Variants in PARD3B observed in about 807,000 individuals in gnomAD.
PARD3B encodes par-3 family cell polarity regulator beta, also known as partitioning defective 3 homolog B.
A neutral mutation model predicts 130.2 loss-of-function variants in PARD3B; 103 were observed. That is an observed-to-expected ratio of 0.79 (90% CI 0.67 to 0.93). The LOEUF (loss-of-function observed/expected upper bound fraction) is 0.93. Ranked by LOEUF, PARD3B falls within the 40% of genes least tolerant of loss-of-function variation. The probability of loss-of-function intolerance (pLI) is 0.00; values close to 1 mark genes in which losing one functional copy is unlikely to be tolerated. For missense variants in PARD3B, 1,609 were observed against 1,499.2 expected, an observed-to-expected ratio of 1.07 and a Z score of -1.21; for synonymous variants, 583 against 553.2, an observed-to-expected ratio of 1.05 and a Z score of -0.76.
At chr2:205,360,270 T>C (rs2044341471) in intron 18 of PARD3B, among the ~76,000 whole-genome samples, 1 of 151,930 alleles carries the variant, frequency 6.6e-6, no homozygotes, top group South Asian at 2.1e-4. Context: ...CTTTTGTTTT[T>C]TTCCTTTTCA....
intron 19 of PARD3B, among the ~76,000 whole-genome samples, chr2:205,433,530 G>T (rs1436338525): frequency 7.3e-4 from 15 of 20,564 alleles, no homozygotes; most frequent in African/African-American, 1.5e-3. Flanking sequence ...AAGACTCTGT[G>T]TCAAAAAAAA....
At chr2:205,522,336 A>G (rs1181315136) in intron 21 of PARD3B, among the ~76,000 whole-genome samples, 3 of 150,678 alleles carry the variant, frequency 2.0e-5, no homozygotes, top group African/African-American at 7.5e-5. Flanking sequence ...CCTTTGATCA[A>G]GAATGATTTA....
intron 18 of PARD3B, among the ~76,000 whole-genome samples, chr2:205,332,365 C>T (rs1461560104): frequency 6.6e-6 from 1 of 151,898 alleles, no homozygotes; most frequent in African/African-American, 2.4e-5. Flanking sequence ...TAGAGATGGA[C>T]AGTTCCAACT....
At chr2:205,008,756 T>C (rs1046853762) in intron 3 of PARD3B, among the ~76,000 whole-genome samples, 7 of 152,212 alleles carry the variant, frequency 4.6e-5, no homozygotes, top group Non-Finnish European at 1.0e-4. Flanking sequence ...AATATTTGTT[T>C]ATGATAATAT....
At chr2:205,036,914 CTG>C (rs1356035265) in intron 3 of PARD3B, among the ~76,000 whole-genome samples, 2 of 149,548 alleles carry the variant, frequency 1.3e-5, no homozygotes, top group Non-Finnish European at 3.0e-5. Flanking sequence ...ATATAGCGGA[CTG>C]TATATATAAA....
At chr2:204,698,708 G>A (rs1574739138) in intron 2 of PARD3B, among the ~76,000 whole-genome samples, 1 of 151,936 alleles carries the variant, frequency 6.6e-6, no homozygotes, top group East Asian at 1.9e-4. Context: ...TCTGTCTTTA[G>A]CCTTTTTAGA....
intron 3 of PARD3B, among the ~76,000 whole-genome samples, chr2:205,032,101 G>T (rs1027049432): frequency 2.0e-5 from 3 of 152,152 alleles, no homozygotes; most frequent in African/African-American, 7.2e-5. Context: ...TAGAAACACA[G>T]TACAGTTTTG....
chr2:204,803,163 A>AATATATATAT (rs1553528189), intron 2 of PARD3B, among the ~76,000 whole-genome samples: 8 of 90,778 alleles, frequency 8.8e-5, no homozygotes, highest in South Asian at 4.6e-4. Context: ...AAAAAAAAAA[A>AATATATATAT]ATATATATAT....
chr2:205,360,726 C>T (rs954753247), intron 18 of PARD3B, among the ~76,000 whole-genome samples: 6 of 152,168 alleles, frequency 3.9e-5, no homozygotes, highest in Non-Finnish European at 8.8e-5. Flanking sequence ...AGGTCTGTGA[C>T]ACACTAGCTT....
At position 205,237,745 on chromosome 2, in the gene PARD3B, G is replaced by A. The variant is rs117085714; in HGVS notation, c.2141-8033G>A. On this transcript the variant is annotated intron_variant, in intron 15 of 22. Transcript: ENST00000406610. ...CCCTAGTGGTCAGTTATATATAACC[G>A]AGAGAAAGACAGCAAAGTGAGACTA... 1.6e-3 allele frequency among the ~76,000 whole-genome samples: 236 copies of A among 152,236 alleles called. 3 individuals carry two copies. The East Asian group carries it at 0.016, about 11-fold the overall frequency.
intron 2 of PARD3B, among the ~76,000 whole-genome samples, chr2:204,730,496 A>C (rs2039458721): frequency 6.6e-6 from 1 of 151,458 alleles, no homozygotes; most frequent in Non-Finnish European, 1.5e-5. Flanking sequence ...TTAGAACTAA[A>C]GGTGGAAGAG....
At chr2:204,988,573 C>T (rs1018071870) in intron 3 of PARD3B, among the ~76,000 whole-genome samples, 1 of 152,110 alleles carries the variant, frequency 6.6e-6, no homozygotes, top group Non-Finnish European at 1.5e-5. Context: ...ATATTACATA[C>T]CTGTATCAAA....
chr2:204,770,775 A>G (rs1480093650), intron 2 of PARD3B, among the ~76,000 whole-genome samples: 3 of 151,916 alleles, frequency 2.0e-5, no homozygotes, highest in African/African-American at 4.8e-5. Flanking sequence ...TCCTCTGCTC[A>G]CCCTTCTCCC....
At chr2:205,175,207 A>C (rs984026519) in intron 12 of PARD3B, among the ~76,000 whole-genome samples, 1 of 152,002 alleles carries the variant, frequency 6.6e-6, no homozygotes, top group Non-Finnish European at 1.5e-5. Flanking sequence ...GCAGAAAAAA[A>C]TTTTTTGTTC....
At chr2:204,701,593 T>C (rs2037894552) in intron 2 of PARD3B, among the ~76,000 whole-genome samples, 1 of 152,206 alleles carries the variant, frequency 6.6e-6, no homozygotes, top group Non-Finnish European at 1.5e-5. Flanking sequence ...TATTTTAAGT[T>C]GAGTGTTGTT....
intron 2 of PARD3B, among the ~76,000 whole-genome samples, chr2:204,790,920 C>A (rs1312823050): frequency 1.3e-5 from 2 of 151,910 alleles, no homozygotes; most frequent in African/African-American, 4.8e-5. Flanking sequence ...GCCGGGCCAA[C>A]ATGGTGAAAC....
intron 21 of PARD3B, among the ~76,000 whole-genome samples, chr2:205,549,039 A>T (rs1288207868): frequency 6.6e-6 from 1 of 152,198 alleles, no homozygotes; most frequent in Non-Finnish European, 1.5e-5. Context: ...ATCACATGTC[A>T]TCAAGGAAAT....
At chr2:204,905,116 C>T (rs1277323324) in intron 2 of PARD3B, among the ~76,000 whole-genome samples, 3 of 152,158 alleles carry the variant, frequency 2.0e-5, no homozygotes, top group African/African-American at 7.2e-5. Context: ...CTGGATTGTT[C>T]TAAGAATTAA....
At position 205,530,812 on chromosome 2, in the gene PARD3B, G is replaced by C. The variant is rs906475415; in HGVS notation, c.3181-22512G>C. On this transcript the variant is annotated intron_variant, in intron 21 of 22. Transcript: ENST00000406610. This position sits in a 1 kb window ranked among gnomAD's most constrained non-coding sequence, Gnocchi z 4.7. ...CTCATGCTGGACGATTCAAGAAGAT[G>C]AAATGGGGAAGAAAGAAACGATGAC... 3.9e-5 allele frequency among the ~76,000 whole-genome samples: 6 copies of C among 152,192 alleles called. No individual in the cohort carries two copies. The highest frequency in any genetic ancestry group is 1.4e-4 in the African/African-American group (6 of 41,460).
Sources: allele counts gnomAD v4.1 joint callset (sites outside exome capture counted in the v4.1 genomes callset), GRCh38; gene constraint gnomAD v4.1.1; non-coding constraint Gnocchi (gnomAD v3.1); transcripts MANE v1.5; gene names NCBI Gene and HGNC (gene_info 2026-07-23, HGNC 2026-07-21).